Variants in ADGRD1 observed in about 807,000 individuals in gnomAD.
The protein encoded by ADGRD1 is G-protein coupled receptor 133.
A neutral mutation model predicts 113.4 loss-of-function variants in ADGRD1; 77 were observed. The observed-to-expected ratio is 0.68, with a 90% CI of 0.57 to 0.82. The LOEUF (loss-of-function observed/expected upper bound fraction) is 0.82, where lower values mean the gene tolerates loss of function less well. Ranked by LOEUF, ADGRD1 falls within the 40% of genes least tolerant of loss-of-function variation. The pLI is 0.00. For synonymous variants in ADGRD1, 474 were observed against 475.0 expected (o/e 1.00, Z 0.03); for missense variants, 1,036 against 1,139.1 (o/e 0.91, Z 1.30).
intron 13 of ADGRD1, among the ~76,000 whole-genome samples, chr12:131,035,901 A>G (rs1458889357): frequency 1.3e-5 from 2 of 152,220 alleles, no homozygotes; most frequent in Admixed American, 6.5e-5. Context: ...TATTTTCACT[A>G]TATCTATAAA....
chr12:131,134,814 T>A (rs1951035146), intron 21 of ADGRD1, among the ~76,000 whole-genome samples: 1 of 152,252 alleles, frequency 6.6e-6, no homozygotes, highest in Non-Finnish European at 1.5e-5. Context: ...ATTCATTCAT[T>A]CATTCAATGT....
At chr12:130,997,268 G>A (rs570533631) in intron 8 of ADGRD1, among the ~76,000 whole-genome samples, 1,845 of 83,412 alleles carry the variant, frequency 0.022, 22 homozygotes, top group Middle Eastern at 0.064. Flanking sequence ...AGAGGCGCCC[G>A]TCACCTCCCG....
chr12:130,994,211 C>G (rs940719072), intron 8 of ADGRD1: 2 of 445,816 alleles, frequency 4.5e-6, no homozygotes, highest in Non-Finnish European at 9.1e-6. Flanking sequence ...CTGGAAGGTC[C>G]TTATGCATGT....
chr12:131,085,026 G>A (rs1047828102), intron 15 of ADGRD1, among the ~76,000 whole-genome samples: 6 of 152,198 alleles, frequency 3.9e-5, no homozygotes, highest in Admixed American at 2.6e-4. Context: ...TGGGGGCTCC[G>A]CTGTAAACAA....
chr12:131,014,013 C>T (rs1361230743), intron 12 of ADGRD1, among the ~76,000 whole-genome samples, 186 bp from the exon 13 acceptor site: 1 of 152,228 alleles, frequency 6.6e-6, no homozygotes, highest in Non-Finnish European at 1.5e-5. Context: ...TTGAACTCGC[C>T]TGCAGGTACC....
At chr12:131,068,519 C>A (rs2085514188) in intron 13 of ADGRD1, among the ~76,000 whole-genome samples, 1 of 152,164 alleles carries the variant, frequency 6.6e-6, no homozygotes, top group African/African-American at 2.4e-5. Flanking sequence ...GTGGCTGAGG[C>A]TGTTTGACTC....
At chr12:131,007,586 G>A (rs1593345659) in intron 12 of ADGRD1, among the ~76,000 whole-genome samples, 1 of 152,232 alleles carries the variant, frequency 6.6e-6, no homozygotes, top group South Asian at 2.1e-4. Context: ...TCTGCAGACA[G>A]GACACTGGAG....
intron 8 of ADGRD1, among the ~76,000 whole-genome samples, chr12:130,995,735 CTTT>C (rs78301647): frequency 6.8e-6 from 1 of 147,618 alleles, no homozygotes; most frequent in Admixed American, 6.7e-5. Context: ...GAACTGAAAT[CTTT>C]TTTTTTTTTC....
intron 23 of ADGRD1, chr12:131,137,715 C>T: frequency 3.8e-6 from 1 of 262,474 alleles, no homozygotes; most frequent in Non-Finnish European, 7.5e-6. Context: ...GCTGCATGAT[C>T]ACAAAGCCCA....
intron 5 of ADGRD1, chr12:130,986,700 T>G (rs1053806892): frequency 2.6e-5 from 5 of 188,730 alleles, no homozygotes; most frequent in East Asian, 2.5e-4. Flanking sequence ...TAAAAAGGAG[T>G]GGTAAAAGGG....
chr12:131,095,390 A>C (rs950902899), intron 15 of ADGRD1, among the ~76,000 whole-genome samples: 7 of 152,246 alleles, frequency 4.6e-5, no homozygotes, highest in African/African-American at 1.7e-4. Flanking sequence ...TTAGAGGAGA[A>C]GCATATGTTG....
intron 7 of ADGRD1, 118 bp downstream of exon 7, chr12:130,991,196 C>A (rs2136649988): frequency 1.3e-6 from 1 of 749,250 alleles, no homozygotes; most frequent in Non-Finnish European, 2.3e-6. Flanking sequence ...AGTACATTGT[C>A]TGGGAAGAAA....
intron 2 of ADGRD1, chr12:130,957,103 CAT>C (rs1869697448): frequency 6.6e-6 from 1 of 152,370 alleles, no homozygotes; most frequent in South Asian, 2.1e-4. Flanking sequence ...TGTAGACACA[CAT>C]GCACATATAT....
intron 13 of ADGRD1, among the ~76,000 whole-genome samples, chr12:131,016,002 G>T (rs1878526893): frequency 6.6e-6 from 1 of 152,158 alleles, no homozygotes; most frequent in Non-Finnish European, 1.5e-5. Context: ...ATGCACCTCT[G>T]GCTCTCCTTC....
intron 13 of ADGRD1, among the ~76,000 whole-genome samples, chr12:131,039,737 A>C (rs1151345): frequency 0.98 from 149,361 of 152,374 alleles, 73,277 homozygotes; most frequent in Middle Eastern, 1. Context: ...CCCTGCCGCT[A>C]AGCCCAGGCT....
intron 4 of ADGRD1, among the ~76,000 whole-genome samples, chr12:130,979,506 C>T (rs899999597): frequency 2.6e-5 from 4 of 152,204 alleles, no homozygotes; most frequent in Non-Finnish European, 4.4e-5. Flanking sequence ...CTGCCTTATA[C>T]ACGAATGACA....
intron 15 of ADGRD1, among the ~76,000 whole-genome samples, chr12:131,098,599 T>C (rs1467358513): frequency 2.0e-5 from 3 of 152,040 alleles, no homozygotes; most frequent in Non-Finnish European, 4.4e-5. Flanking sequence ...CCAGCAGGAC[T>C]CGGAGGTGGG....
rs1447136725 is a variant in ADGRD1 at position 130,970,537 on chromosome 12, G to C, written c.188-921G>C. 2.6e-5 allele frequency: 4 copies of C among 152,278 alleles called. No individual in the cohort carries two copies. The East Asian group carries it at 7.7e-4, about 29-fold the overall frequency. 9.4% of individuals were successfully genotyped at this position (152,278 alleles called of 1,614,324 possible). A position where few individuals can be genotyped will look rare whatever the true frequency, so the allele number is the denominator to read the frequency against. ...AGCTGGGGTTGGGGTCAGGTCCACA[G>C]ACCCTGTTAGCTCTCCCGTGTGTCT... On this transcript the variant is annotated intron_variant, in intron 3 of 24. Coordinates refer to ENST00000261654, the MANE Select transcript of ADGRD1 (RefSeq NM_198827.5).
chr12:131,101,383 T>TTTTTTTTTTTTTTTTTTTTTTTC (rs1950080684), intron 15 of ADGRD1, among the ~76,000 whole-genome samples: 1 of 109,672 alleles, frequency 9.1e-6, no homozygotes. Flanking sequence ...CTTTCTTTTT[T>TTTTTTTTTTTTTTTTTTTTTTTC]TTTTTTTTTT....
Sources: allele counts gnomAD v4.1 joint callset (sites outside exome capture counted in the v4.1 genomes callset), GRCh38; gene constraint gnomAD v4.1.1; transcripts MANE v1.5; gene names NCBI Gene and HGNC (gene_info 2026-07-23, HGNC 2026-07-21).